Variants in DIP2C observed in about 807,000 individuals in gnomAD.
DIP2C encodes the protein DIP2 acetate--CoA ligase C (putative).
Under a neutral mutation model 192.4 loss-of-function variants are expected in DIP2C, and 33 were observed. The ratio of observed to expected loss-of-function variants is 0.17; its 90% CI spans 0.13 to 0.23. The LOEUF is 0.23. DIP2C is among the 10% of genes least tolerant of loss of function. DIP2C has a pLI of 1.00. For missense variants in DIP2C, 1,537 were observed against 2,110.1 expected (o/e 0.73, Z 5.32); for synonymous variants, 979 against 864.1 (o/e 1.13, Z -2.33).
At chr10:384,177 G>A (rs773925957) in intron 15 of DIP2C, 31 bp from the exon 16 acceptor site, 8 of 1,606,578 alleles carry the variant, frequency 5.0e-6, no homozygotes, top group South Asian at 1.1e-5. Flanking sequence ...AAGTTAACAT[G>A]TGCCACCGTC....
chr10:603,063 T>C (rs928283848), intron 1 of DIP2C, among the ~76,000 whole-genome samples: 1 of 152,030 alleles, frequency 6.6e-6, no homozygotes, highest in African/African-American at 2.4e-5. Flanking sequence ...GAATTCCACA[T>C]CACCACTAAT....
intron 32 of DIP2C, among the ~76,000 whole-genome samples, 198 bp from the exon 33 acceptor site, chr10:288,619 G>C (rs140585035): frequency 6.6e-6 from 1 of 152,338 alleles, no homozygotes; most frequent in African/African-American, 2.4e-5. Flanking sequence ...CACAGAGAAG[G>C]CAGATGAAGC....
At chr10:546,490 G>T (rs1848294040) in intron 1 of DIP2C, among the ~76,000 whole-genome samples, 1 of 152,162 alleles carries the variant, frequency 6.6e-6, no homozygotes, top group South Asian at 2.1e-4. Context: ...GCAGAACTCT[G>T]GTTGAAGTTT....
In DIP2C at chr10:422,801, A is replaced by C. The variant is rs780124644; in HGVS notation, c.604+23T>G. On this transcript the variant is annotated intron_variant, in intron 5 of 36. Transcript: ENST00000280886. ...AAGGCGTTTACACAACAGGCACAGA[A>C]AGACACCGTGAAGCGTGCTCACCTA... The C allele has an allele frequency of 1.9e-6, 3 of 1,602,754 alleles. No homozygotes were observed. In the Admixed American group the frequency reaches 5.1e-5, roughly 27 times the overall value.
chr10:670,479 TGA>T (rs1229284035), intron 1 of DIP2C, among the ~76,000 whole-genome samples: 3 of 152,088 alleles, frequency 2.0e-5, no homozygotes, highest in East Asian at 3.9e-4. Flanking sequence ...TGTCAACAAG[TGA>T]GAATTGAGAT....
At chr10:451,013 G>T (rs1968801533) in intron 3 of DIP2C, among the ~76,000 whole-genome samples, 1 of 152,104 alleles carries the variant, frequency 6.6e-6, no homozygotes, top group South Asian at 2.1e-4. Flanking sequence ...TCTAAATTCA[G>T]CCTGTGAGTT....
intron 1 of DIP2C, chr10:662,770 G>A (rs749632727): frequency 1.5e-6 from 1 of 682,704 alleles, no homozygotes; most frequent in South Asian, 1.6e-5. Flanking sequence ...TATTTCTCTT[G>A]TGTTGCCTAT....
At chr10:499,802 T>TTAC (rs1845098763) in intron 1 of DIP2C, among the ~76,000 whole-genome samples, 1 of 152,210 alleles carries the variant, frequency 6.6e-6, no homozygotes, top group Non-Finnish European at 1.5e-5. Context: ...ATCATGGGCT[T>TTAC]TACTAACACC....
intron 9 of DIP2C, among the ~76,000 whole-genome samples, chr10:405,840 G>A (rs1345109715): frequency 1.3e-5 from 2 of 152,146 alleles, no homozygotes; most frequent in East Asian, 1.9e-4. Flanking sequence ...TCACACAGCC[G>A]GCCCTGCTGT....
intron 1 of DIP2C, among the ~76,000 whole-genome samples, chr10:606,744 C>T (rs879372725): frequency 1.3e-5 from 2 of 152,208 alleles, no homozygotes; most frequent in Non-Finnish European, 2.9e-5. Context: ...AAATCCAAAA[C>T]CCCTCTTAAA....
chr10:382,435 CAG>C, intron 17 of DIP2C: 1 of 492,326 alleles, frequency 2.0e-6, no homozygotes, highest in South Asian at 2.9e-5. Flanking sequence ...CGTGAAACTG[CAG>C]AGAGCGATAA....
chr10:676,233 A>C (rs1487883461), intron 1 of DIP2C, among the ~76,000 whole-genome samples: 3 of 152,204 alleles, frequency 2.0e-5, no homozygotes, highest in Non-Finnish European at 4.4e-5. Flanking sequence ...AAAAACTCTC[A>C]ACAAACTAGG....
intron 1 of DIP2C, among the ~76,000 whole-genome samples, chr10:598,365 C>A (rs908585723): frequency 4.6e-5 from 7 of 152,244 alleles, no homozygotes; most frequent in Non-Finnish European, 8.8e-5. Context: ...GAGCACAAAC[C>A]TTTCCAACCT....
chr10:660,118 A>C (rs1444843466), intron 1 of DIP2C, among the ~76,000 whole-genome samples: 1 of 152,270 alleles, frequency 6.6e-6, no homozygotes, highest in Non-Finnish European at 1.5e-5. Context: ...TGAAACAGAG[A>C]TTCTAGCCCT....
In DIP2C at chr10:419,090, G is replaced by A. The variant is rs142664209; in HGVS notation, c.714C>T (p.Asn238=). 1.5e-4 allele frequency: 250 copies of A among 1,614,262 alleles called. 1 individual carries two copies. The highest frequency in any genetic ancestry group is 3.1e-4 in the African/African-American group (23 of 75,074). Reference sequence around the variant, plus strand: ...CATCCCCGGTCTCCATGAGCTCGGCGTTGCCGTACTTGGGCGCTGTCCGGG... The same window carrying A: ...CATCCCCGGTCTCCATGAGCTCGGCATTGCCGTACTTGGGCGCTGTCCGGG... ...TGSRTAPKYG[N]AELMETGDGV... Residue 238 remains asparagine, a synonymous_variant, in exon 6 of 37, where the codon AAC becomes AAT. Coordinates refer to ENST00000280886, the MANE Select transcript of DIP2C (RefSeq NM_014974.3).
rs143029368 is a variant in DIP2C at position 349,443 on chromosome 10, C to T, written c.2997G>A (p.Ala999=). 7.2e-5 allele frequency: 116 copies of T among 1,606,416 alleles called. No homozygotes were observed. The East Asian group carries it at 1.7e-3, about 23-fold the overall frequency. The change falls in exon 25 of 37, where the codon GCG becomes GCA. Residue 999 remains alanine, a synonymous_variant. Coordinates refer to ENST00000280886, the MANE Select transcript of DIP2C (RefSeq NM_014974.3). ...YTLLNCRGAI[A]NSLTCVQLHK... ...GCAGCTGCACGCAGGTCAGCGAGTT[C>T]GCTATCGCACCCTGCGGGCCGATCA...
chr10:568,419 G>T (rs1018231547), intron 1 of DIP2C, among the ~76,000 whole-genome samples: 5 of 152,104 alleles, frequency 3.3e-5, no homozygotes, highest in Non-Finnish European at 7.4e-5. Flanking sequence ...AATCATCCAA[G>T]ATCAGTAGAA....
chr10:618,640 G>A (rs530453921), intron 1 of DIP2C, among the ~76,000 whole-genome samples: 1 of 152,356 alleles, frequency 6.6e-6, no homozygotes, highest in African/African-American at 2.4e-5. Flanking sequence ...GACTTTGTTT[G>A]CTTTTATGCA....
chr10:684,690 C>T (rs1476734682), intron 1 of DIP2C, among the ~76,000 whole-genome samples: 2 of 152,100 alleles, frequency 1.3e-5, no homozygotes, highest in Non-Finnish European at 2.9e-5. Flanking sequence ...TATCTGTGAC[C>T]TTGTGCCAAG....
Sources: allele counts gnomAD v4.1 joint callset (sites outside exome capture counted in the v4.1 genomes callset), GRCh38; gene constraint gnomAD v4.1.1; transcripts MANE v1.5; gene names NCBI Gene and HGNC (gene_info 2026-07-23, HGNC 2026-07-21).